The following TENM1 variants were observed in gnomAD, a reference collection of about 807,000 sequenced individuals.
TENM1 encodes teneurin transmembrane protein 1.
A neutral mutation model predicts 174.8 loss-of-function variants in TENM1; 35 were observed. That is an observed-to-expected ratio of 0.20 (90% CI 0.15 to 0.27). The LOEUF (loss-of-function observed/expected upper bound fraction) is 0.27. Ranked by LOEUF, TENM1 falls within the 10% of genes least tolerant of loss-of-function variation. The pLI is 1.00. For missense variants in TENM1, 1,633 were observed against 2,130.1 expected (o/e 0.77, Z 4.59); for synonymous variants, 781 against 798.7 (o/e 0.98, Z 0.37).
chrX:125,192,211 G>GAA, the TENM1 span, among the ~76,000 whole-genome samples: 130 of 109,781 alleles, frequency 1.2e-3, 7 homozygotes, highest in East Asian at 0.017. Context: ...AAGGCCCTGA[G>GAA]AAAAAAAAAG....
chrX:124,916,334 G>A (rs370079093), intron 1 of TENM1, among the ~76,000 whole-genome samples: 24 of 110,771 alleles, frequency 2.2e-4, no homozygotes, highest in African/African-American at 7.6e-4. Flanking sequence ...TTGAGATCTG[G>A]TCTTGTCCTG....
chrX:124,896,155 C>T, exon 2 of TENM1: 1 of 1,211,608 alleles, frequency 8.3e-7, no homozygotes, highest in South Asian at 1.8e-5. Context: ...GATCCCATCT[C>T]TAGCTGGTAG....
chrX:125,115,587 A>G, the TENM1 span, among the ~76,000 whole-genome samples: 1 of 111,332 alleles, frequency 9.0e-6, no homozygotes, highest in Non-Finnish European at 1.9e-5. Flanking sequence ...ATTCCAATAC[A>G]CCAATAATAG....
the TENM1 span, among the ~76,000 whole-genome samples, chrX:125,046,836 ATGTG>A: frequency 5.2e-5 from 5 of 96,017 alleles, no homozygotes; most frequent in African/African-American, 1.2e-4. Flanking sequence ...GTGTGTGTGC[ATGTG>A]TGTGTGTGTG....
chrX:125,071,370 G>A, the TENM1 span, among the ~76,000 whole-genome samples: 4,302 of 111,519 alleles, frequency 0.039, 203 homozygotes, highest in African/African-American at 0.13. Context: ...GTAGTCTGAG[G>A]TCAATAGAGA....
At chrX:125,000,463 A>T in the TENM1 span, among the ~76,000 whole-genome samples, 1 of 111,871 alleles carries the variant, frequency 8.9e-6, no homozygotes, top group Admixed American at 9.5e-5. Flanking sequence ...ATTGTTTTAT[A>T]GGATTTATAT....
At chrX:124,605,331 C>T (rs76501679) in intron 11 of TENM1, among the ~76,000 whole-genome samples, 3,242 of 106,713 alleles carry the variant, frequency 0.03, 69 homozygotes, top group African/African-American at 0.058. Context: ...CAGAAAGTTT[C>T]ACCTTAAAAA....
intron 18 of TENM1, among the ~76,000 whole-genome samples, chrX:124,505,906 G>A (rs2266899): frequency 0.37 from 40,413 of 109,924 alleles, 7,282 homozygotes; most frequent in African/African-American, 0.71. Flanking sequence ...ATTACATTTG[G>A]TAACTTCTGG....
intron 20 of TENM1, among the ~76,000 whole-genome samples, chrX:124,496,065 G>A (rs922207997): frequency 5.7e-5 from 6 of 105,348 alleles, no homozygotes; most frequent in Admixed American, 3.0e-4. Flanking sequence ...AAATAACACC[G>A]CATATCTACA....
intron 1 of TENM1, among the ~76,000 whole-genome samples, chrX:124,919,745 C>T (rs2057990115): frequency 9.0e-6 from 1 of 111,186 alleles, no homozygotes; most frequent in African/African-American, 3.3e-5. Context: ...TGACTTTTTT[C>T]CCTCTAGCTT....
intron 11 of TENM1, among the ~76,000 whole-genome samples, chrX:124,580,132 C>T (rs759486783): frequency 9.9e-5 from 11 of 111,584 alleles, no homozygotes; most frequent in Non-Finnish European, 2.1e-4. Context: ...AATTCATCGG[C>T]ACTTGTCTGA....
chrX:124,719,659 A>G (rs1470794415), intron 4 of TENM1, among the ~76,000 whole-genome samples: 6 of 111,374 alleles, frequency 5.4e-5, no homozygotes, highest in Non-Finnish European at 9.4e-5. Context: ...TTGAGAGTGC[A>G]AAGAAGAAAC....
chrX:125,016,926 T>C, the TENM1 span, among the ~76,000 whole-genome samples: 1 of 111,566 alleles, frequency 9.0e-6, no homozygotes, highest in Non-Finnish European at 1.9e-5. Context: ...TACAACAATC[T>C]GATCTTTGAC....
At chrX:124,955,797 G>GCACGCACACACACA (rs1556430462) in intron 1 of TENM1, among the ~76,000 whole-genome samples, 1 of 91,251 alleles carries the variant, frequency 1.1e-5, no homozygotes, top group Non-Finnish European at 2.1e-5. Flanking sequence ...ACACGCGCAC[G>GCACGCACACACACA]CACACACACA....
the TENM1 span, among the ~76,000 whole-genome samples, chrX:125,126,120 G>A: frequency 1.8e-5 from 2 of 112,085 alleles, no homozygotes; most frequent in East Asian, 5.6e-4. Flanking sequence ...GTGAGTCTAG[G>A]AGATTATCAC....
chrX:125,170,634 G>T, the TENM1 span, among the ~76,000 whole-genome samples: 1 of 110,778 alleles, frequency 9.0e-6, no homozygotes, highest in Non-Finnish European at 1.9e-5. Flanking sequence ...AAATAATTGC[G>T]CAAGTTCCTC....
intron 3 of TENM1, among the ~76,000 whole-genome samples, chrX:124,749,621 A>C (rs2054015154): frequency 8.9e-6 from 1 of 112,222 alleles, no homozygotes; most frequent in Admixed American, 9.5e-5. Context: ...GAATGCTCAG[A>C]AACATTTTTA....
At chrX:124,503,462 A>C in intron 19 of TENM1, 98 bp downstream of exon 22, 1 of 779,379 alleles carries the variant, frequency 1.3e-6, no homozygotes, top group Non-Finnish European at 1.8e-6. Flanking sequence ...TATTCTCACA[A>C]GTAATTTTTA....
intron 15 of TENM1, among the ~76,000 whole-genome samples, chrX:124,532,110 A>G (rs984709425): frequency 9.0e-6 from 1 of 111,509 alleles, no homozygotes; most frequent in Non-Finnish European, 1.9e-5. Flanking sequence ...GTTAGTTATT[A>G]CCTTGCCAAG....
Sources: allele counts gnomAD v4.1 joint callset (sites outside exome capture counted in the v4.1 genomes callset), GRCh38; gene constraint gnomAD v4.1.1; transcripts MANE v1.5; gene names NCBI Gene and HGNC (gene_info 2026-07-23, HGNC 2026-07-21).